MCPH1: variants seen among roughly 807,000 people sequenced by gnomAD.
MCPH1 encodes microcephalin.
Under a neutral mutation model 84.5 loss-of-function variants are expected in MCPH1, and 104 were observed. The ratio of observed to expected loss-of-function variants is 1.23; its 90% CI spans 1.05 to 1.45. MCPH1 has a LOEUF of 1.45. Ranked by LOEUF, MCPH1 falls within the 40% of genes most tolerant of loss-of-function variation. The probability of loss-of-function intolerance (pLI) is 0.00; values close to 1 mark genes in which losing one functional copy is unlikely to be tolerated. For missense variants in MCPH1, 1,498 were observed against 1,005.7 expected, an observed-to-expected ratio of 1.49 and a Z score of -6.62; for synonymous variants, 514 against 366.8, an observed-to-expected ratio of 1.40 and a Z score of -4.58.
intron 11 of MCPH1, among the ~76,000 whole-genome samples, chr8:6,490,198 C>T (rs554835724): frequency 6.6e-6 from 1 of 152,238 alleles, no homozygotes; most frequent in Non-Finnish European, 1.5e-5. Context: ...TTCTGCCAGA[C>T]ATCTGAACTT....
chr8:6,499,878 C>G lies in MCPH1; in HGVS notation c.2163C>G (p.His721Gln). The G allele has an allele frequency of 6.2e-7, 1 of 1,613,474 alleles. No homozygotes were observed. The highest frequency in any genetic ancestry group is 8.5e-7 in the Non-Finnish European group (1 of 1,180,002). Residue 721 changes from histidine to glutamine, a missense_variant, in exon 12 of 14, where the codon CAC becomes CAG. Transcript: ENST00000344683. ...TGCTATGGTCTTTAGAATTGGGTCA[C>G]TGGATTTCTGAGGAGCCGTTCGAAC... ...DWVLWSLELG[H>Q]WISEEPFELS... is the part of the protein sequence containing the mutation.
rs533099739 is a variant in MCPH1 at position 6,647,854 on chromosome 8, T to C, written c.*4805T>C. On this transcript the variant is annotated 3_prime_UTR_variant, in exon 14 of 14. Coordinates refer to ENST00000344683, the MANE Select transcript of MCPH1 (RefSeq NM_024596.5). The stretch of plus-strand genomic sequence containing the variant: ...ACACAACTGTATACATTTACTAAAA[T>C]CAATGAACAGAACACTTTTAATGGG... 6.6e-6 allele frequency: 1 copy of C among 152,232 alleles called. No homozygotes were observed. The highest frequency in any genetic ancestry group is 1.5e-5 in the Non-Finnish European group (1 of 68,022). The allele number at this position is 152,232 out of a possible 1,614,324, so 9.4% of individuals were successfully genotyped here.
intron 13 of MCPH1, among the ~76,000 whole-genome samples, chr8:6,631,339 C>A (rs930349458): frequency 3.3e-5 from 5 of 152,028 alleles, no homozygotes; most frequent in Non-Finnish European, 7.4e-5. Flanking sequence ...GCACTATATA[C>A]AAATTAAAGA....
chr8:6,499,308 C>T (rs1032524193), intron 11 of MCPH1, among the ~76,000 whole-genome samples: 10 of 151,918 alleles, frequency 6.6e-5, no homozygotes, highest in African/African-American at 1.5e-4. Flanking sequence ...ATAATGATGA[C>T]GATGAAAGCT....
In MCPH1 at chr8:6,562,520, G is replaced by T. The variant is rs374228373; in HGVS notation, c.2215-58934G>T. ...TTTCATTTGAGGGTACCAGCAACCC[G>T]CTCTCCAGCTCTAATCCTCTTCATC... On this transcript the variant is annotated intron_variant, in intron 12 of 13. Transcript: ENST00000344683. The T allele has an allele frequency of 1.8e-5, 14 of 791,692 alleles. No individual in the cohort carries two copies. In the East Asian group the frequency reaches 3.0e-4, roughly 17 times the overall value. 49.0% of individuals were successfully genotyped at this position (791,692 alleles called of 1,614,324 possible). A position where few individuals can be genotyped will look rare whatever the true frequency, so the allele number is the denominator to read the frequency against.
At chr8:6,464,244 T>C (rs533495983) in intron 9 of MCPH1, among the ~76,000 whole-genome samples, 4 of 152,212 alleles carry the variant, frequency 2.6e-5, no homozygotes, top group Admixed American at 6.5e-5. Flanking sequence ...TTTGGCAGAG[T>C]GTACCCAGAG....
At chr8:6,564,584 G>GTTTA (rs66508730) in intron 12 of MCPH1, among the ~76,000 whole-genome samples, 4 of 13,992 alleles carry the variant, frequency 2.9e-4, no homozygotes, top group African/African-American at 2.4e-4. Flanking sequence ...CTTTGCTGCG[G>GTTTA]TTTATCTCTC....
intron 12 of MCPH1, among the ~76,000 whole-genome samples, chr8:6,503,705 T>C (rs2129563608): frequency 6.6e-6 from 1 of 152,306 alleles, no homozygotes; most frequent in East Asian, 1.9e-4. Context: ...GGTTGAAGTT[T>C]AAACTAAAAT....
intron 12 of MCPH1, among the ~76,000 whole-genome samples, chr8:6,505,552 A>T (rs13268780): frequency 2.9e-5 from 1 of 34,236 alleles, no homozygotes; most frequent in Admixed American, 4.4e-4. Context: ...GAATATATAT[A>T]CTTTATATAT....
chr8:6,606,325 GA>G (rs1236555028), intron 12 of MCPH1, among the ~76,000 whole-genome samples: 1 of 152,176 alleles, frequency 6.6e-6, no homozygotes, highest in East Asian at 1.9e-4. Context: ...AAGCTTTTGA[GA>G]AATCAAATAC....
At chr8:6,587,141 G>A (rs903246553) in intron 12 of MCPH1, among the ~76,000 whole-genome samples, 1 of 152,026 alleles carries the variant, frequency 6.6e-6, no homozygotes, top group African/African-American at 2.4e-5. Context: ...CGTCTCTGGT[G>A]GTCTGAATTA....
At chr8:6,586,543 G>A (rs952880648) in intron 12 of MCPH1, among the ~76,000 whole-genome samples, 1 of 152,124 alleles carries the variant, frequency 6.6e-6, no homozygotes, top group African/African-American at 2.4e-5. Context: ...AGCAGTTATT[G>A]AGCATCTACC....
Position 6,445,440 on chromosome 8 carries a change from C to G in MCPH1, c.1718C>G (p.Ser573Cys), listed in dbSNP as rs977547915. The G allele has an allele frequency of 1.2e-6, 2 of 1,614,126 alleles. No homozygotes were observed. Among genetic ancestry groups the G allele is most frequent in the Admixed American group, 1.7e-5 (1 of 60,010 alleles). The change falls in exon 8 of 14, where the codon TCC becomes TGC. Residue 573 changes from serine to cysteine, a missense_variant. Coordinates refer to ENST00000344683, the MANE Select transcript of MCPH1 (RefSeq NM_024596.5). ...GGTACCACTTCCAAAATATCAAACTCCTCTGAAGGCGAAGCCCAGAGTGAA... is the reference window on the plus strand; with the variant it reads ...GGTACCACTTCCAAAATATCAAACTGCTCTGAAGGCGAAGCCCAGAGTGAA... ...NKGTTSKISN[S>C]SEGEAQSEHE...
intron 12 of MCPH1, among the ~76,000 whole-genome samples, chr8:6,543,537 C>T (rs904549454): frequency 6.6e-6 from 1 of 152,172 alleles, no homozygotes; most frequent in Non-Finnish European, 1.5e-5. Flanking sequence ...AATAAACCCG[C>T]CCAAACCATA....
At chr8:6,473,558 G>C (rs112705156) in intron 9 of MCPH1, among the ~76,000 whole-genome samples, 20,617 of 151,950 alleles carry the variant, frequency 0.14, 1,486 homozygotes, top group Middle Eastern at 0.24. Context: ...GTCTCGATCT[G>C]CTGAACTCGT....
At chr8:6,427,160 G>A (rs1346847097) in intron 3 of MCPH1, among the ~76,000 whole-genome samples, 1 of 152,124 alleles carries the variant, frequency 6.6e-6, no homozygotes, top group African/African-American at 2.4e-5. Context: ...TAAAAATATG[G>A]TATAAAAGAT....
intron 13 of MCPH1, among the ~76,000 whole-genome samples, chr8:6,624,433 T>C (rs1344899886): frequency 6.6e-6 from 1 of 152,152 alleles, no homozygotes; most frequent in African/African-American, 2.4e-5. Context: ...GCGTCTCCAG[T>C]GTAGTGGGCA....
At position 6,606,275 on chromosome 8, in the gene MCPH1, T is replaced by C. The variant is rs6988075; in HGVS notation, c.2215-15179T>C. On this transcript the variant is annotated intron_variant, in intron 12 of 13. Coordinates refer to ENST00000344683, the MANE Select transcript of MCPH1 (RefSeq NM_024596.5). ...CCATTTACTCGCACATAAAATAATA[T>C]ATCTAAAACATCTAGCAACTCTCAA... Among the ~76,000 whole-genome samples, 1,018 of 152,298 alleles carry C rather than the reference T, an allele frequency of 6.7e-3. 10 individuals carry two copies. The highest frequency in any genetic ancestry group is 0.023 in the African/African-American group (964 of 41,562).
chr8:6,630,242 T>C (rs1797056660), intron 13 of MCPH1, among the ~76,000 whole-genome samples: 1 of 152,008 alleles, frequency 6.6e-6, no homozygotes, highest in Non-Finnish European at 1.5e-5. Flanking sequence ...ATATTAAAAA[T>C]CCTGACAATG....
Sources: gnomAD v4.1 joint callset for allele counts (sites outside exome capture counted in the v4.1 genomes callset) on GRCh38, gnomAD v4.1.1 for gene constraint, MANE v1.5 for transcripts, NCBI Gene and HGNC (gene_info 2026-07-23, HGNC 2026-07-21) for gene names.